Variants in FAM114A2 observed in about 807,000 individuals in gnomAD.
FAM114A2 encodes the protein protein FAM114A2.
A neutral mutation model predicts 58.4 loss-of-function variants in FAM114A2; 53 were observed. The observed-to-expected ratio is 0.91, with a 90% CI of 0.73 to 1.14. FAM114A2 has a LOEUF of 1.14. Ranked by LOEUF, FAM114A2 falls within the 50% of genes most tolerant of loss-of-function variation. The pLI, the probability that FAM114A2 is intolerant of heterozygous loss-of-function variation, is 0.00. For missense variants in FAM114A2, 601 were observed against 581.1 expected (o/e 1.03, Z -0.35); for synonymous variants, 228 against 211.4 (o/e 1.08, Z -0.68).
chr5:153,992,956 G>T lies in FAM114A2; in HGVS notation c.*20C>A, dbSNP rs1412066816. ...CATTCCTTGGCCGTCACAAGTCCCA[G>T]GTCAAAACGTCTCCATTCTTCAATG... is the stretch of plus-strand genomic sequence containing the variant. On this transcript the variant is annotated 3_prime_UTR_variant, in exon 14 of 14. Transcript: ENST00000351797. 6.9e-6 allele frequency: 11 copies of T among 1,604,896 alleles called. No homozygotes were observed. Among genetic ancestry groups the T allele is most frequent in the Non-Finnish European group, 9.4e-6 (11 of 1,174,550 alleles).
chr5:154,013,442 G>A (rs941708638), intron 8 of FAM114A2, among the ~76,000 whole-genome samples: 5 of 152,160 alleles, frequency 3.3e-5, no homozygotes, highest in Non-Finnish European at 5.9e-5. Context: ...TAAATACTAA[G>A]GTCACTATTG....
At chr5:154,031,090 T>C (rs1013408085) in intron 4 of FAM114A2, among the ~76,000 whole-genome samples, 6 of 151,778 alleles carry the variant, frequency 4.0e-5, no homozygotes, top group African/African-American at 1.5e-4. Context: ...GGCAAGAGGA[T>C]CACTTGAGGT....
chr5:153,994,713 C>T (rs1769444178), intron 13 of FAM114A2: 1 of 514,526 alleles, frequency 1.9e-6, no homozygotes, highest in Non-Finnish European at 3.5e-6. Context: ...ACTGCTTCTT[C>T]CAGTACCCTG....
rs191174794 is a variant in FAM114A2 at position 154,002,957 on chromosome 5, C to T, written c.1006G>A (p.Ala336Thr). Residue 336 changes from alanine (A) to threonine (T), a missense_variant, in exon 10 of 14, where the codon GCC becomes ACC. Transcript: ENST00000351797. Reference protein sequence around the residue: ...PEKLARARNTAHEWIRKSLTK... With the variant: ...PEKLARARNTTHEWIRKSLTK... ...AGAGACTTCCTGATCCATTCGTGGGCGGTATTTCTTGCCTAAATAAGAAAA... is the reference window on the plus strand; with the variant it reads ...AGAGACTTCCTGATCCATTCGTGGGTGGTATTTCTTGCCTAAATAAGAAAA... The T allele has an allele frequency of 6.7e-5, 108 of 1,613,668 alleles. 1 individual carries two copies. The highest frequency in any genetic ancestry group is 3.5e-4 in the Admixed American group (21 of 59,960).
intron 8 of FAM114A2, among the ~76,000 whole-genome samples, chr5:154,016,531 G>A (rs943894534): frequency 2.0e-5 from 3 of 152,122 alleles, no homozygotes; most frequent in African/African-American, 7.2e-5. Context: ...CATAAATGAA[G>A]GAAAGATACA....
chr5:154,021,275 T>C lies in FAM114A2; in HGVS notation c.913+5124A>G, dbSNP rs1034976389. Among the ~76,000 whole-genome samples, 8 of 152,162 alleles carry C rather than the reference T, an allele frequency of 5.3e-5. No individual in the cohort carries two copies. In the East Asian group the frequency reaches 1.5e-3, roughly 29 times the overall value. ...CCTCTCTCACCGCTCCTATTCAACATAGTGTTGGAAGTTCTGGCCAGGGCA... is the reference window on the plus strand; with the variant it reads ...CCTCTCTCACCGCTCCTATTCAACACAGTGTTGGAAGTTCTGGCCAGGGCA... On this transcript the variant is annotated intron_variant, in intron 8 of 13. Coordinates refer to ENST00000351797, the MANE Select transcript of FAM114A2 (RefSeq NM_018691.4).
intron 12 of FAM114A2, chr5:153,995,236 A>C: frequency 6.4e-6 from 2 of 314,722 alleles, no homozygotes; most frequent in South Asian, 9.2e-5. Flanking sequence ...TCTTCATTTG[A>C]CCACAAAACC....
intron 8 of FAM114A2, among the ~76,000 whole-genome samples, chr5:154,018,453 C>T (rs952137224): frequency 3.3e-5 from 5 of 151,856 alleles, no homozygotes; most frequent in African/African-American, 4.8e-5. Flanking sequence ...CAGGACCAGA[C>T]GGATTCACAG....
intron 8 of FAM114A2, among the ~76,000 whole-genome samples, chr5:154,025,386 T>C (rs948502903): frequency 3.3e-5 from 5 of 152,134 alleles, no homozygotes; most frequent in African/African-American, 1.2e-4. Context: ...CCAGCAATTT[T>C]ATGCATCATT....
chr5:154,004,331 C>T (rs1036082868), intron 9 of FAM114A2, among the ~76,000 whole-genome samples: 1 of 152,110 alleles, frequency 6.6e-6, no homozygotes, highest in Non-Finnish European at 1.5e-5. Flanking sequence ...GTCTCTTAAA[C>T]GCCAATATTA....
In FAM114A2 at chr5:154,033,900, C is replaced by G. The variant is rs368968492; in HGVS notation, c.311-17G>C. On this transcript the variant is annotated splice_polypyrimidine_tract_variant and intron_variant, in intron 3 of 13. Transcript: ENST00000351797. The stretch of plus-strand genomic sequence containing the variant: ...TGCCTTGTCCTAATGAGAAAAATAA[C>G]TTTTTTTTTTGCTATTTGTCACCAA... The G allele has an allele frequency of 2.8e-5, 40 of 1,406,348 alleles. No homozygotes were observed. The African/African-American group carries it at 5.7e-4, about 20-fold the overall frequency. The allele number at this position is 1,406,348 out of a possible 1,614,324, so 87.1% of individuals were successfully genotyped here.
intron 3 of FAM114A2, 104 bp downstream of exon 3, chr5:154,034,174 G>A: frequency 2.7e-6 from 2 of 732,480 alleles, no homozygotes. Flanking sequence ...TAAAGCCTTT[G>A]AGTAAACATG....
At chr5:154,010,553 T>C (rs1428173624) in intron 9 of FAM114A2, among the ~76,000 whole-genome samples, 1 of 152,156 alleles carries the variant, frequency 6.6e-6, no homozygotes, top group African/African-American at 2.4e-5. Flanking sequence ...AATGTGCACC[T>C]GCAGCTGACT....
At chr5:154,014,161 A>G (rs997405685) in intron 8 of FAM114A2, among the ~76,000 whole-genome samples, 1 of 152,228 alleles carries the variant, frequency 6.6e-6, no homozygotes, top group African/African-American at 2.4e-5. Flanking sequence ...CAGGACAAGT[A>G]CCTTTACATA....
chr5:154,013,215 G>T, intron 8 of FAM114A2, among the ~76,000 whole-genome samples: 1 of 152,148 alleles, frequency 6.6e-6, no homozygotes. Flanking sequence ...TGTAAGGATG[G>T]AAAAGAGACT....
At chr5:154,031,980 C>T (rs78207882) in intron 4 of FAM114A2, among the ~76,000 whole-genome samples, 1,568 of 152,334 alleles carry the variant, frequency 0.01, 40 homozygotes, top group African/African-American at 0.035. Flanking sequence ...CAGGTAGCTA[C>T]TCTACGTTTA....
chr5:153,997,688 ATAC>A (rs1265910951), intron 12 of FAM114A2, 112 bp downstream of exon 12: 3 of 684,472 alleles, frequency 4.4e-6, no homozygotes, highest in African/African-American at 1.8e-5. Context: ...CTCTGTAAAT[ATAC>A]TAAAAACTAA....
At chr5:154,031,401 C>T (rs1213960553) in intron 4 of FAM114A2, among the ~76,000 whole-genome samples, 1 of 150,958 alleles carries the variant, frequency 6.6e-6, no homozygotes, top group Non-Finnish European at 1.5e-5. Flanking sequence ...AGATAGCCCC[C>T]TTTAAAGGAA....
chr5:154,009,016 T>C (rs1273415799), intron 9 of FAM114A2, among the ~76,000 whole-genome samples: 1 of 152,234 alleles, frequency 6.6e-6, no homozygotes. Context: ...CATATGTATC[T>C]ACAAACATAA....
Sources: gnomAD v4.1 joint callset for allele counts (sites outside exome capture counted in the v4.1 genomes callset) on GRCh38, gnomAD v4.1.1 for gene constraint, MANE v1.5 for transcripts, NCBI Gene and HGNC (gene_info 2026-07-23, HGNC 2026-07-21) for gene names.